The following TBL1XR1 variants were observed in gnomAD, a reference collection of about 807,000 sequenced individuals.
TBL1XR1 encodes the protein F-box-like/WD repeat-containing protein TBL1XR1.
In TBL1XR1, 5 loss-of-function variants were observed where a neutral mutation model predicts 66.9. The ratio of observed to expected loss-of-function variants is 0.07; its 90% CI spans 0.04 to 0.16. TBL1XR1 has a LOEUF of 0.16. Ranked by LOEUF, TBL1XR1 falls within the 10% of genes least tolerant of loss-of-function variation. The pLI is 1.00. For missense variants in TBL1XR1, 238 were observed against 623.2 expected, an observed-to-expected ratio of 0.38 and a Z score of 6.58; for synonymous variants, 210 against 206.0, an observed-to-expected ratio of 1.02 and a Z score of -0.17.
chr3:177,033,411 G>A (rs781147748), intron 13 of TBL1XR1, among the ~76,000 whole-genome samples: 1 of 152,174 alleles, frequency 6.6e-6, no homozygotes, highest in Non-Finnish European at 1.5e-5. Context: ...AAGTCCAGGA[G>A]TAGAAAACGT....
At chr3:177,179,175 C>T (rs1734512153) in intron 1 of TBL1XR1, among the ~76,000 whole-genome samples, 1 of 149,452 alleles carries the variant, frequency 6.7e-6, no homozygotes, top group Admixed American at 6.7e-5. Context: ...GGGGGAGAAT[C>T]GCACAACAAC....
intron 1 of TBL1XR1, among the ~76,000 whole-genome samples, chr3:177,166,979 C>T (rs914811189): frequency 2.0e-5 from 3 of 152,190 alleles, no homozygotes; most frequent in Non-Finnish European, 4.4e-5. Context: ...CCATATGATC[C>T]AGCAAACATT....
intron 2 of TBL1XR1, among the ~76,000 whole-genome samples, chr3:177,077,659 T>C (rs1425605223): frequency 1.3e-5 from 2 of 152,224 alleles, no homozygotes; most frequent in African/African-American, 4.8e-5. Context: ...CAAGTGAGTA[T>C]GCTGGTATCA....
chr3:177,042,800 G>A (rs948668720), intron 10 of TBL1XR1, among the ~76,000 whole-genome samples: 1 of 151,918 alleles, frequency 6.6e-6, no homozygotes, highest in Admixed American at 6.6e-5. Context: ...ATTTTTGTCT[G>A]CTCCACCCCT....
intron 1 of TBL1XR1, among the ~76,000 whole-genome samples, chr3:177,130,201 T>C (rs1728134675): frequency 6.7e-6 from 1 of 149,174 alleles, no homozygotes; most frequent in Non-Finnish European, 1.5e-5. Flanking sequence ...AAAATGCACA[T>C]ATCCTTTGAC....
intron 1 of TBL1XR1, among the ~76,000 whole-genome samples, chr3:177,178,945 C>T (rs1456536087): frequency 1.3e-5 from 2 of 151,878 alleles, no homozygotes; most frequent in Admixed American, 1.3e-4. Flanking sequence ...CGGTGAAACC[C>T]CGTTCTACTA....
At chr3:177,123,534 C>T (rs1055713244) in intron 1 of TBL1XR1, among the ~76,000 whole-genome samples, 1 of 151,874 alleles carries the variant, frequency 6.6e-6, no homozygotes, top group Non-Finnish European at 1.5e-5. Flanking sequence ...AAGATTATTC[C>T]AAAAATCTCA....
intron 1 of TBL1XR1, among the ~76,000 whole-genome samples, chr3:177,174,049 T>C (rs1249189723): frequency 6.6e-6 from 1 of 152,162 alleles, no homozygotes; most frequent in Non-Finnish European, 1.5e-5. Flanking sequence ...CATGAACTAC[T>C]TATACCAATC....
chr3:177,148,960 C>T lies in TBL1XR1; in HGVS notation c.-122+48161G>A, dbSNP rs1462173192. ...CAGAGGTTGTGGTGAGCCGAGATCA[C>T]GCCATTGCACTCCAGCCTGGACAAA... On this transcript the variant is annotated intron_variant, in intron 1 of 15. Transcript: ENST00000457928. Among the ~76,000 whole-genome samples the T allele has an allele frequency of 6.6e-5, 10 of 150,550 alleles. No homozygotes were observed. In the South Asian group the frequency reaches 1.7e-3, roughly 25 times the overall value.
At chr3:177,166,531 A>G (rs1488447055) in intron 1 of TBL1XR1, among the ~76,000 whole-genome samples, 4 of 152,140 alleles carry the variant, frequency 2.6e-5, no homozygotes, top group Non-Finnish European at 4.4e-5. Flanking sequence ...TGTTCTGATA[A>G]TAGTGAGTTC....
intron 1 of TBL1XR1, among the ~76,000 whole-genome samples, chr3:177,122,998 A>G (rs1193570071): frequency 6.6e-6 from 1 of 152,094 alleles, no homozygotes; most frequent in East Asian, 1.9e-4. Flanking sequence ...CATGAGCAAT[A>G]TTCTCCCCAC....
chr3:177,040,392 A>T (rs990142265), intron 10 of TBL1XR1, among the ~76,000 whole-genome samples: 8 of 152,358 alleles, frequency 5.3e-5, no homozygotes, highest in African/African-American at 1.4e-4. Context: ...AGGAGATTAG[A>T]GACGTCTGTG....
intron 10 of TBL1XR1, among the ~76,000 whole-genome samples, chr3:177,042,152 T>C (rs144419155): frequency 2.0e-5 from 3 of 152,316 alleles, no homozygotes; most frequent in East Asian, 1.9e-4. Flanking sequence ...CACTTTCATT[T>C]TGACATTAAG....
At chr3:177,084,540 T>C (rs2108619278) in intron 2 of TBL1XR1, among the ~76,000 whole-genome samples, 1 of 152,364 alleles carries the variant, frequency 6.6e-6, no homozygotes, top group East Asian at 1.9e-4. Context: ...TACAGCAACT[T>C]GATAATCCTT....
intron 2 of TBL1XR1, among the ~76,000 whole-genome samples, chr3:177,077,614 C>T (rs1720852032): frequency 6.6e-6 from 1 of 152,168 alleles, no homozygotes; most frequent in Non-Finnish European, 1.5e-5. Flanking sequence ...ACCTATCTAG[C>T]CATATGGTAC....
At chr3:177,091,684 C>T (rs189066738) in intron 2 of TBL1XR1, among the ~76,000 whole-genome samples, 9 of 152,274 alleles carry the variant, frequency 5.9e-5, no homozygotes, top group Admixed American at 3.9e-4. Flanking sequence ...TAAATCCACA[C>T]GCTCACAATA....
chr3:177,123,192 T>C (rs139728676), intron 1 of TBL1XR1, among the ~76,000 whole-genome samples: 2 of 152,144 alleles, frequency 1.3e-5, no homozygotes, highest in African/African-American at 4.8e-5. Context: ...ATAGTTTTTT[T>C]AAAAATGTAC....
chr3:177,034,511 T>TA lies in TBL1XR1; in HGVS notation c.1123-187dup, dbSNP rs5854736. The stretch of plus-strand genomic sequence containing the variant: ...TATATTTAATATTTACATCTCTGTT[T>TA]AAAAAAAAAAGTTAGCTTTAAGCCC... On this transcript the variant is annotated intron_variant, in intron 12 of 15. Transcript: ENST00000457928. 0.26 allele frequency among the ~76,000 whole-genome samples: 38,905 copies of TA among 149,952 alleles called. 5,427 individuals are homozygous for TA. Among genetic ancestry groups the TA allele is most frequent in the East Asian group, 0.5 (2,563 of 5,136 alleles).
chr3:177,124,768 C>CA (rs1251929570), intron 1 of TBL1XR1, among the ~76,000 whole-genome samples: 2 of 152,010 alleles, frequency 1.3e-5, no homozygotes, highest in African/African-American at 4.8e-5. Flanking sequence ...TAGTAAAACT[C>CA]AAAATCTCAA....
Sources: allele counts gnomAD v4.1 joint callset (sites outside exome capture counted in the v4.1 genomes callset), GRCh38; gene constraint gnomAD v4.1.1; transcripts MANE v1.5; gene names NCBI Gene and HGNC (gene_info 2026-07-23, HGNC 2026-07-21).